Variants in NUFIP2 observed in about 807,000 individuals in gnomAD.
NUFIP2 encodes the protein FMR1-interacting protein NUFIP2.
A neutral mutation model predicts 56.9 loss-of-function variants in NUFIP2; 6 were observed. The ratio of observed to expected loss-of-function variants is 0.11; its 90% confidence interval spans 0.06 to 0.21. NUFIP2 has a LOEUF of 0.21. NUFIP2 is among the 10% of genes least tolerant of loss of function. The probability of loss-of-function intolerance (pLI) is 1.00; values close to 1 mark genes in which losing one functional copy is unlikely to be tolerated. For synonymous variants in NUFIP2, 321 were observed against 298.2 expected, an observed-to-expected ratio of 1.08 and a Z score of -0.79; for missense variants, 828 against 826.8, an observed-to-expected ratio of 1.00 and a Z score of -0.02.
At position 29,262,702 on chromosome 17, in the gene NUFIP2, G is replaced by A. The variant is rs2069010478; in HGVS notation, c.*1837C>T. On this transcript the variant is annotated 3_prime_UTR_variant, in exon 4 of 4. Transcript: ENST00000225388. ...TGGAACTGGCCTACCACAAGTTTCT[G>A]AACCTGGACTGATACAATAAGTTAT... 3 of 150,724 alleles carry A rather than the reference G, an allele frequency of 2.0e-5. No homozygotes were observed. The highest frequency in any genetic ancestry group is 7.3e-5 in the African/African-American group (3 of 41,078). 9.3% of individuals were successfully genotyped at this position (150,724 alleles called of 1,614,324 possible).
chr17:29,287,419 G>A lies in NUFIP2; in HGVS notation c.575C>T (p.Thr192Ile). ...DTIPIPNGVV[T>I]NNSGYITNGY... Reference sequence around the variant, plus strand: ...ATTAGTAATATAACCAGAATTATTTGTTACCACACCATTTGGAATTGGTAT... The same window carrying A: ...ATTAGTAATATAACCAGAATTATTTATTACCACACCATTTGGAATTGGTAT... The change falls in exon 2 of 4, where the codon ACA becomes ATA. Residue 192 changes from threonine (T) to isoleucine (I), a missense_variant. Thr to Ile is a moderately conservative substitution (Grantham distance 89, BLOSUM62 -1). Transcript: ENST00000225388. 6.2e-7 allele frequency: 1 copy of A among 1,613,908 alleles called. No individual in the cohort carries two copies. The highest frequency in any genetic ancestry group is 8.5e-7 in the Non-Finnish European group (1 of 1,179,944).
intron 2 of NUFIP2, among the ~76,000 whole-genome samples, chr17:29,283,646 C>A (rs1221264275): frequency 2.0e-5 from 3 of 152,202 alleles, no homozygotes; most frequent in African/African-American, 7.2e-5. Flanking sequence ...CAGGCTCACA[C>A]AATGATCGCC....
At position 29,282,255 on chromosome 17, in the gene NUFIP2, G is replaced by A. The variant is rs368699992; in HGVS notation, c.2002+3737C>T. ...GACTTCCCAGCCGCCAAAACCTTGAGTCAAATAAACACCTTTCTTTGTTGG... is the reference window on the plus strand; with the variant it reads ...GACTTCCCAGCCGCCAAAACCTTGAATCAAATAAACACCTTTCTTTGTTGG... On this transcript the variant is annotated intron_variant, in intron 2 of 3. Coordinates refer to ENST00000225388, the MANE Select transcript of NUFIP2 (RefSeq NM_020772.3). Among the ~76,000 whole-genome samples the A allele has an allele frequency of 8.1e-4, 123 of 151,966 alleles. No individual in the cohort carries two copies. The Middle Eastern group carries it at 0.031, about 38-fold the overall frequency.
intron 2 of NUFIP2, 58 bp from the exon 3 acceptor site, chr17:29,267,588 T>C: frequency 9.4e-7 from 1 of 1,062,854 alleles, no homozygotes; most frequent in Non-Finnish European, 1.4e-6. Flanking sequence ...TCTGAAGCGA[T>C]GCTTTTCATT....
chr17:29,294,092 C>T lies in NUFIP2; in HGVS notation c.-33G>A, dbSNP rs766581128. Reference sequence around the variant, plus strand: ...GGCTGGGACTCCCTGGCTGAGGCTGCGGGCTGCTGCACCGTCAGGATCTGA... The same window carrying T: ...GGCTGGGACTCCCTGGCTGAGGCTGTGGGCTGCTGCACCGTCAGGATCTGA... On this transcript the variant is annotated 5_prime_UTR_variant, in exon 1 of 4. Transcript: ENST00000225388. The T allele has an allele frequency of 1.0e-5, 16 of 1,566,804 alleles. No homozygotes were observed. The highest frequency in any genetic ancestry group is 6.0e-5 in the South Asian group (5 of 83,408).
intron 2 of NUFIP2, among the ~76,000 whole-genome samples, chr17:29,280,038 A>T (rs1038526041): frequency 6.6e-6 from 1 of 152,100 alleles, no homozygotes; most frequent in Non-Finnish European, 1.5e-5. Flanking sequence ...GGTTGGTCTC[A>T]AACTCCTGAC....
Position 29,294,081 on chromosome 17 carries a change from G to C in NUFIP2, c.-22C>G, listed in dbSNP as rs775069110. 4.4e-6 allele frequency: 7 copies of C among 1,576,556 alleles called. No homozygotes were observed. Among genetic ancestry groups the C allele is most frequent in the Non-Finnish European group, 6.0e-6 (7 of 1,159,016 alleles). ...CCATTGAAAGCGGCTGGGACTCCCT[G>C]GCTGAGGCTGCGGGCTGCTGCACCG... On this transcript the variant is annotated 5_prime_UTR_variant, in exon 1 of 4. Transcript: ENST00000225388.
rs2069002855 is a variant in NUFIP2, at chr17:29,261,529, ATTC to A, written c.*3007_*3009del. The A allele has an allele frequency of 6.6e-6, 1 of 152,186 alleles. No homozygotes were observed. Among genetic ancestry groups the A allele is most frequent in the Non-Finnish European group, 1.5e-5 (1 of 68,012 alleles). 9.4% of individuals were successfully genotyped at this position (152,186 alleles called of 1,614,324 possible). On this transcript the variant is annotated 3_prime_UTR_variant, in exon 4 of 4. Transcript: ENST00000225388. ...TACTAATACTCTGAGTTGAAGGAAA[ATTC>A]TTTATACCAAACAATAACACGTTAT...
intron 2 of NUFIP2, among the ~76,000 whole-genome samples, chr17:29,276,301 C>G (rs1048214294): frequency 6.6e-6 from 1 of 152,084 alleles, no homozygotes; most frequent in Non-Finnish European, 1.5e-5. Flanking sequence ...ACTCTCCAGG[C>G]ACAATAAACA....
rs1266529329 is a variant in NUFIP2, at chr17:29,260,237, GT to G, written c.*4301del. The G allele has an allele frequency of 2.0e-5, 3 of 151,966 alleles. No individual in the cohort carries two copies. The highest frequency in any genetic ancestry group is 2.9e-5 in the Non-Finnish European group (2 of 68,012). 9.4% of individuals were successfully genotyped at this position (151,966 alleles called of 1,614,324 possible). On this transcript the variant is annotated 3_prime_UTR_variant, in exon 4 of 4. Transcript: ENST00000225388. ...CTACGTTTTCCTTTCAAATCCAACA[GT>G]TAAGTCATGGGTAGGGTTATTAAGA...
intron 2 of NUFIP2, among the ~76,000 whole-genome samples, chr17:29,274,623 G>C (rs2069096281): frequency 1.3e-5 from 2 of 152,204 alleles, no homozygotes; most frequent in Non-Finnish European, 1.5e-5. Context: ...AAGAATGAGA[G>C]ATTTAGAGAA....
At position 29,260,856 on chromosome 17, in the gene NUFIP2, A is replaced by C. The variant is rs2068998295; in HGVS notation, c.*3683T>G. The C allele has an allele frequency of 6.6e-6, 1 of 152,174 alleles. No homozygotes were observed. Among genetic ancestry groups the C allele is most frequent in the Admixed American group, 6.5e-5 (1 of 15,272 alleles). The allele number at this position is 152,174 out of a possible 1,614,324, so 9.4% of individuals were successfully genotyped here. ...GGACAACAAAATTCTAAAATGGAGA[A>C]ACTCTGGCCATTTATTTCAAAGAAA... On this transcript the variant is annotated 3_prime_UTR_variant, in exon 4 of 4. Transcript: ENST00000225388.
At chr17:29,281,123 C>T (rs991707493) in intron 2 of NUFIP2, among the ~76,000 whole-genome samples, 2 of 147,376 alleles carry the variant, frequency 1.4e-5, no homozygotes, top group African/African-American at 2.5e-5. Context: ...ACACAGACAC[C>T]GTCACTATAT....
Position 29,267,943 on chromosome 17 carries a change from G to A in NUFIP2, c.2003-413C>T, listed in dbSNP as rs371037546. ...AGACTGAGTTTCGCTCTGTTACCCA[G>A]GCTGGAGTGCAGTGGCCTGATCTCG... is the stretch of plus-strand genomic sequence containing the variant. On this transcript the variant is annotated intron_variant, in intron 2 of 3. Coordinates refer to ENST00000225388, the MANE Select transcript of NUFIP2 (RefSeq NM_020772.3). Among the ~76,000 whole-genome samples the A allele has an allele frequency of 3.1e-3, 468 of 151,986 alleles. 3 individuals carry two copies. The highest frequency in any genetic ancestry group is 0.011 in the African/African-American group (440 of 41,438).
rs1195651204 is a variant in NUFIP2, at chr17:29,287,605, A to G, written c.389T>C (p.Val130Ala). 2.5e-6 allele frequency: 4 copies of G among 1,614,026 alleles called. No homozygotes were observed. Among genetic ancestry groups the G allele is most frequent in the African/African-American group, 1.3e-5 (1 of 74,914 alleles). ...AGTCTGCTTCAGGCTAGTGTCTACA[A>G]CTTGCTGGTTGCCATTGAGGACCCT... is the stretch of plus-strand genomic sequence containing the variant. ...ISRVLNGNQQ[V>A]VDTSLKQTVK... Residue 130 changes from valine to alanine, a missense_variant, in exon 2 of 4, where the codon GTT becomes GCT. Physicochemically the swap from Val to Ala is moderately conservative, Grantham distance 64 (BLOSUM62 0). This residue lies in a region of NUFIP2 where 415 missense variants were observed against 408.7 expected (regional missense o/e 1.02). Transcript: ENST00000225388.
intron 2 of NUFIP2, among the ~76,000 whole-genome samples, chr17:29,278,243 T>C (rs1244019870): frequency 1.3e-5 from 2 of 149,782 alleles, no homozygotes; most frequent in African/African-American, 5.0e-5. Flanking sequence ...TAATCTCATG[T>C]ACTTTATTAT....
chr17:29,286,578 A>G lies in NUFIP2; in HGVS notation c.1416T>C (p.Phe472=). The G allele has an allele frequency of 6.2e-7, 1 of 1,614,200 alleles. No individual in the cohort carries two copies. The highest frequency in any genetic ancestry group is 8.5e-7 in the Non-Finnish European group (1 of 1,180,034). The part of the protein sequence containing the change: ...AAVEQIKTSL[F]IYPSNMQTML... ...TAGTTTGCATATTTGAAGGATAGAT[A>G]AAAAGGCTAGTCTTAATTTGTTCAA... is the stretch of plus-strand genomic sequence containing the variant. Residue 472 remains phenylalanine, a synonymous_variant, in exon 2 of 4, where the codon TTT becomes TTC. Transcript: ENST00000225388.
chr17:29,277,975 G>A (rs2069117656), intron 2 of NUFIP2, among the ~76,000 whole-genome samples: 1 of 152,196 alleles, frequency 6.6e-6, no homozygotes, highest in East Asian at 1.9e-4. Context: ...TCGCGCCACT[G>A]GACTCCAGCC....
At chr17:29,268,166 T>C (rs973777051) in intron 2 of NUFIP2, among the ~76,000 whole-genome samples, 1 of 152,182 alleles carries the variant, frequency 6.6e-6, no homozygotes, top group Non-Finnish European at 1.5e-5. Flanking sequence ...CCTAAAATGC[T>C]GGGATCACAG....
Sources: gnomAD v4.1 joint callset for allele counts (sites outside exome capture counted in the v4.1 genomes callset) on GRCh38, gnomAD v4.1.1 for gene constraint, gnomAD v4.1.1 regional missense constraint, MANE v1.5 for transcripts, NCBI Gene and HGNC (gene_info 2026-07-23, HGNC 2026-07-21) for gene names.